Variants in INSL6 observed in about 807,000 individuals in gnomAD.
The protein encoded by INSL6 is insulin like 6.
A neutral mutation model predicts 9.4 loss-of-function variants in INSL6; 16 were observed. That is an observed-to-expected ratio of 1.70 (90% CI 1.15 to 2.59). The LOEUF (loss-of-function observed/expected upper bound fraction) is 2.59. Ranked by LOEUF, INSL6 falls within the 30% of genes most tolerant of loss-of-function variation. The pLI is 0.00. For missense variants in INSL6, 391 were observed against 257.3 expected (o/e 1.52, Z -3.56); for synonymous variants, 154 against 96.9 (o/e 1.59, Z -3.46).
chr9:5,111,069 GC>G, the INSL6 span: 1 of 1,205,822 alleles, frequency 8.3e-7, no homozygotes, highest in Non-Finnish European at 1.2e-6. Context: ...TTGAGAACTG[GC>G]CCAGCTCAGG....
chr9:5,120,929 T>C (rs1332027948), downstream of INSL6, among the ~76,000 whole-genome samples: 1 of 152,202 alleles, frequency 6.6e-6, no homozygotes, highest in Non-Finnish European at 1.5e-5. Flanking sequence ...CCTATAGATC[T>C]TTAATGTGGA....
the INSL6 span, among the ~76,000 whole-genome samples, chr9:5,042,138 T>C: frequency 7.0e-6 from 1 of 142,040 alleles, no homozygotes; most frequent in Non-Finnish European, 1.6e-5. Context: ...TTTTTTTTTT[T>C]TTTTTTTTTT....
chr9:5,137,091 C>T lies in INSL6; in HGVS notation c.377-3499G>A, dbSNP rs548399932. Among the ~76,000 whole-genome samples the T allele has an allele frequency of 6.6e-5, 10 of 152,292 alleles. No homozygotes were observed. The South Asian group carries it at 2.1e-3, about 32-fold the overall frequency. On this transcript the variant is annotated intron_variant, in intron 2 of 3. Coordinates refer to the INSL6 transcript ENST00000649639. ...TGAAGGACCTCTTCAAGGAGAACTACAAACCACTGCTCAAGGAAATAAGAG... is the reference window on the plus strand; with the variant it reads ...TGAAGGACCTCTTCAAGGAGAACTATAAACCACTGCTCAAGGAAATAAGAG...
the INSL6 span, chr9:5,085,308 G>T: frequency 1.4e-6 from 1 of 740,300 alleles, no homozygotes; most frequent in Non-Finnish European, 2.5e-6. Context: ...AGGTGAAGTC[G>T]AATACATCAT....
intron 3 of INSL6, among the ~76,000 whole-genome samples, chr9:5,128,940 T>C (rs1434075624): frequency 1.3e-5 from 2 of 152,036 alleles, no homozygotes; most frequent in African/African-American, 4.8e-5. Flanking sequence ...TATTAAGTTA[T>C]ACAATCTTTA....
At chr9:5,059,198 TAGA>T in the INSL6 span, among the ~76,000 whole-genome samples, 7 of 152,186 alleles carry the variant, frequency 4.6e-5, no homozygotes, top group African/African-American at 1.4e-4. Flanking sequence ...CTCTTACTCC[TAGA>T]AGGTTTCCAC....
At chr9:5,055,795 T>C in the INSL6 span, 1 of 1,607,120 alleles carries the variant, frequency 6.2e-7, no homozygotes, top group African/African-American at 1.3e-5. Flanking sequence ...TCTGGTAAGT[T>C]TGCTTTATGA....
chr9:5,127,948 C>T (rs550100499), intron 3 of INSL6: 21 of 232,132 alleles, frequency 9.0e-5, no homozygotes, highest in African/African-American at 3.5e-4. Flanking sequence ...AAATTCATAA[C>T]GTGTATCTTT....
the INSL6 span, among the ~76,000 whole-genome samples, chr9:5,082,797 G>C: frequency 3.9e-5 from 6 of 152,348 alleles, no homozygotes; most frequent in South Asian, 1.2e-3. Flanking sequence ...TTGTTAACAA[G>C]GCACATCCTA....
the INSL6 span, chr9:5,111,312 C>A: frequency 2.2e-6 from 1 of 460,276 alleles, no homozygotes; most frequent in South Asian, 1.8e-5. Context: ...CCTCAGCAGC[C>A]CCGGACCCCT....
At chr9:5,063,588 G>A in the INSL6 span, among the ~76,000 whole-genome samples, 9 of 152,060 alleles carry the variant, frequency 5.9e-5, no homozygotes, top group Non-Finnish European at 8.8e-5. Context: ...TAATGTGATT[G>A]AGACAAATTA....
the INSL6 span, among the ~76,000 whole-genome samples, chr9:5,065,635 G>A: frequency 6.6e-6 from 1 of 152,136 alleles, no homozygotes; most frequent in Non-Finnish European, 1.5e-5. Flanking sequence ...AGCTACATGT[G>A]GCTAGTAACT....
intron 2 of INSL6, among the ~76,000 whole-genome samples, chr9:5,135,823 A>G (rs201662107): frequency 6.6e-6 from 1 of 151,632 alleles, no homozygotes; most frequent in African/African-American, 2.4e-5. Context: ...AAAAAAATCA[A>G]TGAATCCAGG....
At chr9:5,159,686 T>C (rs1447295685), downstream of INSL6, among the ~76,000 whole-genome samples, 2 of 152,140 alleles carry the variant, frequency 1.3e-5, no homozygotes, top group East Asian at 3.9e-4. Flanking sequence ...GAGACCCCAA[T>C]ACATTAAAAC....
chr9:5,013,951 G>A, the INSL6 span, among the ~76,000 whole-genome samples: 3 of 151,938 alleles, frequency 2.0e-5, no homozygotes, highest in Non-Finnish European at 4.4e-5. Context: ...CTTATTTTTA[G>A]GTCTCTTGGC....
At chr9:5,036,758 C>T in the INSL6 span, among the ~76,000 whole-genome samples, 2 of 152,162 alleles carry the variant, frequency 1.3e-5, no homozygotes, top group Non-Finnish European at 2.9e-5. Flanking sequence ...CCATAAAAAC[C>T]CTAGAAGAAA....
At chr9:5,066,031 A>G in the INSL6 span, among the ~76,000 whole-genome samples, 1 of 152,142 alleles carries the variant, frequency 6.6e-6, no homozygotes. Context: ...AATTCATTCA[A>G]ACATTCTTTT....
At chr9:5,051,821 G>A in the INSL6 span, among the ~76,000 whole-genome samples, 1 of 152,120 alleles carries the variant, frequency 6.6e-6, no homozygotes, top group East Asian at 1.9e-4. Flanking sequence ...TACCCAATTT[G>A]CAGAGTATCA....
Position 5,140,041 on chromosome 9 carries a change from A to G in INSL6, c.377-6449T>C, listed in dbSNP as rs117442119. Among the ~76,000 whole-genome samples the G allele has an allele frequency of 1.1e-3, 163 of 152,328 alleles. No homozygotes were observed. The East Asian group carries it at 0.029, about 27-fold the overall frequency. ...ACTGGGAAAAAACCCACAACATTAAATAGTACATTTCTAAAAAGAAGTTTA... is the reference window on the plus strand; with the variant it reads ...ACTGGGAAAAAACCCACAACATTAAGTAGTACATTTCTAAAAAGAAGTTTA... On this transcript the variant is annotated intron_variant, in intron 2 of 3. Transcript: ENST00000649639.
Sources: gnomAD v4.1 joint callset for allele counts (sites outside exome capture counted in the v4.1 genomes callset) on GRCh38, gnomAD v4.1.1 for gene constraint, MANE v1.5 for transcripts, NCBI Gene and HGNC (gene_info 2026-07-23, HGNC 2026-07-21) for gene names.